BMP8B: variants seen among roughly 807,000 people sequenced by gnomAD.
BMP8B encodes the protein bone morphogenetic protein 8b, also known as bone morphogenetic protein 8 (osteogenic protein 2).
BMP8B carries 17 observed loss-of-function variants against 30.3 expected under a neutral mutation model. That is an observed-to-expected ratio of 0.56 (90% CI 0.38 to 0.84). The LOEUF is 0.84. BMP8B is among the 40% of genes least tolerant of loss of function. BMP8B has a pLI of 0.00. For missense variants in BMP8B, 253 were observed against 494.6 expected (o/e 0.51, Z 4.63); for synonymous variants, 131 against 214.7 (o/e 0.61, Z 3.41).
At chr1:39,780,916 T>G (rs1650595180) in intron 1 of BMP8B, among the ~76,000 whole-genome samples, 1 of 152,148 alleles carries the variant, frequency 6.6e-6, no homozygotes, top group African/African-American at 2.4e-5. Context: ...CCATGCCTCC[T>G]CTCCTTTGGC....
At chr1:39,785,707 A>C (rs11580725) in intron 1 of BMP8B, among the ~76,000 whole-genome samples, 4,076 of 152,212 alleles carry the variant, frequency 0.027, 100 homozygotes, top group East Asian at 0.12. Flanking sequence ...TGCCCACATG[A>C]CTGTAATCTC....
intron 1 of BMP8B, among the ~76,000 whole-genome samples, chr1:39,781,781 T>G: frequency 6.6e-6 from 1 of 152,200 alleles, no homozygotes; most frequent in East Asian, 1.9e-4. Context: ...GCACTGGTAC[T>G]GCCATAGACC....
At chr1:39,787,167 G>A (rs1166347011) in intron 1 of BMP8B, among the ~76,000 whole-genome samples, 1 of 152,050 alleles carries the variant, frequency 6.6e-6, no homozygotes, top group African/African-American at 2.4e-5. Flanking sequence ...GAAGACCGTG[G>A]CTGTTATCAG....
rs376086067 is a variant in BMP8B, at chr1:39,788,199, T to C, written c.287A>G (p.Glu96Gly). The C allele has an allele frequency of 2.7e-5, 43 of 1,574,074 alleles. No individual in the cohort carries two copies. The highest frequency in any genetic ancestry group is 3.2e-5 in the Non-Finnish European group (38 of 1,169,552). Reference sequence around the variant, plus strand: ...CAGGTCGGCGCGGCCCAGGCGCCGCTCCGCGGGCGCGCCGTCCTCGTCGTC... The same window carrying C: ...CAGGTCGGCGCGGCCCAGGCGCCGCCCCGCGGGCGCGCCGTCCTCGTCGTC... ...GDDDEDGAPA[E>G]RRLGRADLVM... The change falls in exon 1 of 7, where the codon GAG becomes GGG. Residue 96 changes from glutamate (E) to glycine (G), a missense_variant. By Grantham distance (98) the Glu-to-Gly change is moderately conservative. This residue lies in a region of BMP8B where 52 missense variants were observed against 68.3 expected (regional missense o/e 0.76). Transcript: ENST00000372827. The surrounding 1 kb of genome is among the most constrained non-coding windows in gnomAD (Gnocchi z 5.8).
chr1:39,778,127 C>T (rs999476130), intron 1 of BMP8B, among the ~76,000 whole-genome samples: 1 of 152,254 alleles, frequency 6.6e-6, no homozygotes, highest in Non-Finnish European at 1.5e-5. Flanking sequence ...CGGGGGTGCC[C>T]CGGCCCCTTC....
rs1274500606 is a variant in BMP8B, at chr1:39,760,119, C to T, written c.*300G>A. 1 of 445,080 alleles carries T rather than the reference C, an allele frequency of 2.2e-6. No individual in the cohort carries two copies. Among genetic ancestry groups the T allele is most frequent in the Non-Finnish European group, 4.1e-6 (1 of 243,606 alleles). The allele number at this position is 445,080 out of a possible 1,614,324, so 27.6% of individuals were successfully genotyped here. The stretch of plus-strand genomic sequence containing the variant: ...ATGGATAGGACCTCAGACAGGACTT[C>T]TGTGCCAACCCCAAAGAACCAGCCA... On this transcript the variant is annotated 3_prime_UTR_variant, in exon 7 of 7. Coordinates refer to ENST00000372827, the MANE Select transcript of BMP8B (RefSeq NM_001720.5).
intron 1 of BMP8B, among the ~76,000 whole-genome samples, chr1:39,779,665 A>ACTCC (rs1650487719): frequency 6.6e-6 from 1 of 152,208 alleles, no homozygotes; most frequent in Non-Finnish European, 1.5e-5. Flanking sequence ...AGAACTGAAG[A>ACTCC]GTCACCCAGG....
In BMP8B at chr1:39,758,057, T is replaced by G. The variant is rs1648481716; in HGVS notation, c.*2362A>C. On this transcript the variant is annotated 3_prime_UTR_variant, in exon 7 of 7. Coordinates refer to ENST00000372827, the MANE Select transcript of BMP8B (RefSeq NM_001720.5). ...CAAACCTTCAGGTAGTTTACAGACATTCTTGGTGCACCCCTAACTATGCCA... is the reference window on the plus strand; with the variant it reads ...CAAACCTTCAGGTAGTTTACAGACAGTCTTGGTGCACCCCTAACTATGCCA... 1 of 152,204 alleles carries G rather than the reference T, an allele frequency of 6.6e-6. No homozygotes were observed. The highest frequency in any genetic ancestry group is 1.5e-5 in the Non-Finnish European group (1 of 68,026). 9.4% of individuals were successfully genotyped at this position (152,204 alleles called of 1,614,324 possible).
At chr1:39,776,071 C>T (rs1401886307) in intron 1 of BMP8B, among the ~76,000 whole-genome samples, 2 of 152,276 alleles carry the variant, frequency 1.3e-5, no homozygotes, top group East Asian at 1.9e-4. Flanking sequence ...GCCTGGGCTG[C>T]GCCTCTGGCC....
rs185566802 is a variant in BMP8B at position 39,772,259 on chromosome 1, C to T, written c.673+2049G>A. Among the ~76,000 whole-genome samples, 10 of 125,942 alleles carry T rather than the reference C, an allele frequency of 7.9e-5. 2 individuals carry two copies. Among genetic ancestry groups the T allele is most frequent in the Admixed American group, 6.9e-4 (9 of 13,028 alleles). 82.6% of individuals were successfully genotyped at this position (125,942 alleles called of 152,430 possible). On this transcript the variant is annotated intron_variant, in intron 3 of 6. Coordinates refer to ENST00000372827, the MANE Select transcript of BMP8B (RefSeq NM_001720.5). ...TGCTTCTGGAAACACTTTACTCTGG[C>T]GTCTAGATCACCTCATCCTCCAGGT... is the stretch of plus-strand genomic sequence containing the variant.
At chr1:39,786,444 G>C (rs751060497) in intron 1 of BMP8B, among the ~76,000 whole-genome samples, 1 of 152,194 alleles carries the variant, frequency 6.6e-6, no homozygotes, top group East Asian at 1.9e-4. Flanking sequence ...CATTTTACAA[G>C]GAGCAACGAA....
At chr1:39,762,458 A>T in intron 6 of BMP8B, 1 of 1,496,386 alleles carries the variant, frequency 6.7e-7, no homozygotes, top group Admixed American at 2.5e-5. Context: ...AAACACACAG[A>T]GCACTCAACA....
intron 6 of BMP8B, chr1:39,762,369 A>G: frequency 9.3e-7 from 1 of 1,079,012 alleles, no homozygotes. Flanking sequence ...CCTAAGGGGA[A>G]AACATAAGGC....
At position 39,776,567 on chromosome 1, in the gene BMP8B, G is replaced by A. The variant is rs1650245992; in HGVS notation, c.335-1529C>T. 1.3e-5 allele frequency among the ~76,000 whole-genome samples: 2 copies of A among 152,108 alleles called. 1 individual carries two copies. The highest frequency in any genetic ancestry group is 4.1e-4 in the South Asian group (2 of 4,828). On this transcript the variant is annotated intron_variant, in intron 1 of 6. Transcript: ENST00000372827. ...GGACCTGGTCCGGCCATGGGCAGGCGAACAGCTGTGCGGGGCAGGGGATGG... is the reference window on the plus strand; with the variant it reads ...GGACCTGGTCCGGCCATGGGCAGGCAAACAGCTGTGCGGGGCAGGGGATGG...
chr1:39,783,573 T>G (rs774893670), intron 1 of BMP8B, among the ~76,000 whole-genome samples: 1 of 152,150 alleles, frequency 6.6e-6, no homozygotes, highest in Non-Finnish European at 1.5e-5. Flanking sequence ...ACAACAAAGT[T>G]GCAAAACAGT....
rs767832534 is a variant in BMP8B, at chr1:39,762,643, G to A, written c.1059+449C>T. On this transcript the variant is annotated intron_variant, in intron 6 of 6. Coordinates refer to ENST00000372827, the MANE Select transcript of BMP8B (RefSeq NM_001720.5). ...CATCTAGAAGCTTCCTGCCTGCGGT[G>A]CGGCACAGGTGGGTGAGTGCACACG... 3 of 1,543,920 alleles carry A rather than the reference G, an allele frequency of 1.9e-6. No individual in the cohort carries two copies. In the South Asian group the frequency reaches 3.6e-5, roughly 19 times the overall value.
At position 39,762,998 on chromosome 1, in the gene BMP8B, G is replaced by A. The variant is rs199884894; in HGVS notation, c.1059+94C>T. The A allele has an allele frequency of 4.1e-6, 6 of 1,453,468 alleles. No individual in the cohort carries two copies. In the East Asian group the frequency reaches 1.4e-4, roughly 33 times the overall value. The allele number at this position is 1,453,468 out of a possible 1,614,324, so 90.0% of individuals were successfully genotyped here. A position where few individuals can be genotyped will look rare whatever the true frequency, so the allele number is the denominator to read the frequency against. On this transcript the variant is annotated intron_variant, in intron 6 of 6. Coordinates refer to ENST00000372827, the MANE Select transcript of BMP8B (RefSeq NM_001720.5). ...ACAAAGCCCCCTGAGACGCGGAGCAGGTGGCCTCACTGCCCTCCCAGCCAG... is the reference window on the plus strand; with the variant it reads ...ACAAAGCCCCCTGAGACGCGGAGCAAGTGGCCTCACTGCCCTCCCAGCCAG...
In BMP8B at chr1:39,760,194, T is replaced by TAAA. The variant is rs1557466489; in HGVS notation, c.*224_*225insTTT. 5.4e-6 allele frequency: 4 copies of TAAA among 747,222 alleles called. No homozygotes were observed. The Admixed American group carries it at 8.9e-5, about 17-fold the overall frequency. The allele number at this position is 747,222 out of a possible 1,614,324, so 46.3% of individuals were successfully genotyped here. Reference sequence around the variant, plus strand: ...TGCATTTGGGTAGAACACTGCCTGATGATTGAGACCACCTGGGCTGGAAAC... The same window carrying TAAA: ...TGCATTTGGGTAGAACACTGCCTGATAAAGATTGAGACCACCTGGGCTGGAAAC... On this transcript the variant is annotated 3_prime_UTR_variant, in exon 7 of 7. Coordinates refer to ENST00000372827, the MANE Select transcript of BMP8B (RefSeq NM_001720.5).
At chr1:39,760,688 C>T in intron 6 of BMP8B, 120 bp from the exon 7 acceptor site, 1 of 1,294,188 alleles carries the variant, frequency 7.7e-7, no homozygotes. Flanking sequence ...CACATGGGAG[C>T]AGCACAATAA....
Sources: allele counts gnomAD v4.1 joint callset (sites outside exome capture counted in the v4.1 genomes callset), GRCh38; gene constraint gnomAD v4.1.1; regional missense constraint gnomAD v4.1.1; non-coding constraint Gnocchi (gnomAD v3.1); transcripts MANE v1.5; gene names NCBI Gene and HGNC (gene_info 2026-07-23, HGNC 2026-07-21).